Variants in SH3GL3 observed in about 807,000 individuals in gnomAD.
SH3GL3 encodes the protein endophilin-A3.
A neutral mutation model predicts 47.7 loss-of-function variants in SH3GL3; 33 were observed. The observed-to-expected ratio is 0.69, with a 90% CI of 0.52 to 0.92. SH3GL3 has a LOEUF of 0.92. SH3GL3 is among the 40% of genes least tolerant of loss of function. The probability of loss-of-function intolerance (pLI) is 0.00; values close to 1 mark genes in which losing one functional copy is unlikely to be tolerated. For missense variants in SH3GL3, 363 were observed against 417.8 expected, an observed-to-expected ratio of 0.87 and a Z score of 1.14; for synonymous variants, 155 against 148.8, an observed-to-expected ratio of 1.04 and a Z score of -0.30.
At chr15:83,576,848 T>A in intron 6 of SH3GL3, 107 bp downstream of exon 6, 1 of 695,414 alleles carries the variant, frequency 1.4e-6, no homozygotes, top group Non-Finnish European at 2.3e-6. Context: ...TGTCCAATCT[T>A]TTGGCTTCCC....
At chr15:83,563,640 T>A (rs557730089) in intron 2 of SH3GL3, among the ~76,000 whole-genome samples, 7 of 152,224 alleles carry the variant, frequency 4.6e-5, no homozygotes, top group African/African-American at 1.7e-4. Context: ...TTTCCTCTTT[T>A]CCTTCTTTCT....
intron 1 of SH3GL3, among the ~76,000 whole-genome samples, chr15:83,543,792 A>G (rs1448972167): frequency 1.3e-5 from 2 of 152,020 alleles, no homozygotes; most frequent in Admixed American, 6.5e-5. Context: ...AGGTTTTCCA[A>G]TTTATTGACA....
At chr15:83,615,840 A>T (rs1452696923) in intron 8 of SH3GL3, among the ~76,000 whole-genome samples, 2 of 152,214 alleles carry the variant, frequency 1.3e-5, no homozygotes, top group Non-Finnish European at 2.9e-5. Context: ...TATTTACCTC[A>T]TTTTGCCAAA....
chr15:83,588,565 G>A (rs2060009936), intron 7 of SH3GL3, 97 bp from the exon 8 acceptor site: 1 of 763,876 alleles, frequency 1.3e-6, no homozygotes, highest in Non-Finnish European at 2.3e-6. Context: ...ACCACTGGCT[G>A]TAACCTAAGT....
At chr15:83,582,321 G>A (rs746078893) in intron 6 of SH3GL3, among the ~76,000 whole-genome samples, 1 of 152,090 alleles carries the variant, frequency 6.6e-6, no homozygotes, top group Non-Finnish European at 1.5e-5. Context: ...ACCAGCTACG[G>A]GATCCTCCTT....
chr15:83,602,465 A>G (rs1399124219), intron 8 of SH3GL3, among the ~76,000 whole-genome samples: 3 of 152,202 alleles, frequency 2.0e-5, no homozygotes, highest in South Asian at 4.1e-4. Flanking sequence ...GTGTCCTCAC[A>G]TGGCAGAAGG....
rs1165458734 is a variant in SH3GL3 at position 83,448,331 on chromosome 15, T to C, written c.45+753T>C. 5.9e-5 allele frequency among the ~76,000 whole-genome samples: 9 copies of C among 152,006 alleles called. No homozygotes were observed. The highest frequency in any genetic ancestry group is 4.4e-5 in the Non-Finnish European group (3 of 68,008). The stretch of plus-strand genomic sequence containing the variant: ...AGAGCTTCCCGGAGGAGGAGACATG[T>C]CATTTGAGAATTAAGTATGAGGAAG... On this transcript the variant is annotated intron_variant, in intron 1 of 8. Coordinates refer to ENST00000427482, the MANE Select transcript of SH3GL3 (RefSeq NM_003027.5). The surrounding 1 kb of genome is among the most constrained non-coding windows in gnomAD (Gnocchi z 4.2).
chr15:83,506,511 C>T (rs190734090), intron 1 of SH3GL3, among the ~76,000 whole-genome samples: 22 of 152,264 alleles, frequency 1.4e-4, no homozygotes, highest in Non-Finnish European at 2.4e-4. Flanking sequence ...CTGCACGTTA[C>T]TCTTGTTTTT....
intron 1 of SH3GL3, among the ~76,000 whole-genome samples, chr15:83,516,419 G>A (rs1434505565): frequency 1.3e-5 from 2 of 152,076 alleles, no homozygotes; most frequent in African/African-American, 4.8e-5. Flanking sequence ...GGTGTATTAG[G>A]CCATTCTTGC....
chr15:83,546,340 C>T (rs757522807), intron 1 of SH3GL3, among the ~76,000 whole-genome samples: 27 of 151,526 alleles, frequency 1.8e-4, no homozygotes, highest in Non-Finnish European at 3.8e-4. Flanking sequence ...TATAGCTTGG[C>T]TACTGCTGAT....
intron 2 of SH3GL3, among the ~76,000 whole-genome samples, chr15:83,560,496 G>A (rs781142602): frequency 7.2e-5 from 11 of 152,062 alleles, no homozygotes; most frequent in Non-Finnish European, 1.6e-4. Context: ...ATACAAATAG[G>A]TGATGTATAG....
At chr15:83,506,018 T>C (rs2042485175) in intron 1 of SH3GL3, among the ~76,000 whole-genome samples, 1 of 152,228 alleles carries the variant, frequency 6.6e-6, no homozygotes. Flanking sequence ...ATGATGTCTT[T>C]TGATAAAAGA....
In SH3GL3 at chr15:83,595,136, C is replaced by A. The variant is rs186199270; in HGVS notation, c.838+6365C>A. Among the ~76,000 whole-genome samples the A allele has an allele frequency of 4.7e-4, 72 of 152,214 alleles. 2 individuals are homozygous for A. In the East Asian group the frequency reaches 7.0e-3, roughly 15 times the overall value. ...TCGGTGGCAGACTGGATAAAGAAAA[C>A]GTACTACATATATTCCATGGGACAG... On this transcript the variant is annotated intron_variant, in intron 8 of 8. Coordinates refer to ENST00000427482, the MANE Select transcript of SH3GL3 (RefSeq NM_003027.5).
chr15:83,551,268 G>C (rs1596240077), intron 1 of SH3GL3, among the ~76,000 whole-genome samples: 1 of 152,214 alleles, frequency 6.6e-6, no homozygotes, highest in South Asian at 2.1e-4. Context: ...GGCAACCTGA[G>C]ATAGGTCTAA....
At chr15:83,606,076 A>AG (rs2060508315) in intron 8 of SH3GL3, among the ~76,000 whole-genome samples, 1 of 152,164 alleles carries the variant, frequency 6.6e-6, no homozygotes, top group South Asian at 2.1e-4. Flanking sequence ...AACTCTTAAA[A>AG]GGGGTACCAC....
intron 2 of SH3GL3, among the ~76,000 whole-genome samples, chr15:83,563,601 T>G (rs1189778923): frequency 6.6e-6 from 1 of 152,180 alleles, no homozygotes; most frequent in African/African-American, 2.4e-5. Context: ...CTGAATATTT[T>G]TTTCAAATCT....
intron 1 of SH3GL3, among the ~76,000 whole-genome samples, chr15:83,531,412 A>T (rs1476947802): frequency 1.3e-5 from 2 of 152,206 alleles, no homozygotes; most frequent in Non-Finnish European, 1.5e-5. Flanking sequence ...AAAAACTTCC[A>T]GGCAATGGGA....
chr15:83,460,787 T>A (rs1350621003), intron 1 of SH3GL3, among the ~76,000 whole-genome samples: 1 of 152,148 alleles, frequency 6.6e-6, no homozygotes, highest in East Asian at 1.9e-4. Context: ...GTTGTTATCT[T>A]AAAATACGGT....
intron 1 of SH3GL3, among the ~76,000 whole-genome samples, chr15:83,450,804 A>ATTTTTTTTTTTTTTT (rs34099509): frequency 1.7e-5 from 1 of 58,788 alleles, no homozygotes; most frequent in Non-Finnish European, 2.9e-5. Flanking sequence ...TTTTTTTTTA[A>ATTTTTTTTTTTTTTT]TTTTTTTTTT....
Sources: allele counts gnomAD v4.1 joint callset (sites outside exome capture counted in the v4.1 genomes callset), GRCh38; gene constraint gnomAD v4.1.1; non-coding constraint Gnocchi (gnomAD v3.1); transcripts MANE v1.5; gene names NCBI Gene and HGNC (gene_info 2026-07-23, HGNC 2026-07-21).